The following PRKG1 variants were observed in gnomAD, a reference collection of about 807,000 sequenced individuals.
PRKG1 encodes protein kinase cGMP-dependent 1.
A neutral mutation model predicts 88.1 loss-of-function variants in PRKG1; 35 were observed. The observed-to-expected ratio is 0.40, with a 90% CI of 0.30 to 0.53. The LOEUF (loss-of-function observed/expected upper bound fraction) is 0.53. Ranked by LOEUF, PRKG1 falls within the 20% of genes least tolerant of loss-of-function variation. PRKG1 has a pLI of 0.59. For missense variants in PRKG1, 540 were observed against 839.8 expected (o/e 0.64, Z 4.41); for synonymous variants, 303 against 292.5 (o/e 1.04, Z -0.37).
intron 1 of PRKG1, among the ~76,000 whole-genome samples, chr10:51,096,250 C>A (rs1427410633): frequency 1.3e-5 from 2 of 152,032 alleles, no homozygotes; most frequent in Non-Finnish European, 2.9e-5. Flanking sequence ...GTGTAATGAG[C>A]TCTTGGTTCC....
intron 3 of PRKG1, among the ~76,000 whole-genome samples, chr10:51,528,889 G>A (rs1053703217): frequency 5.9e-5 from 9 of 152,016 alleles, no homozygotes; most frequent in African/African-American, 2.2e-4. Flanking sequence ...AATGTAAATG[G>A]AAATAAGGGA....
At chr10:51,874,786 G>T (rs80048059) in intron 4 of PRKG1, among the ~76,000 whole-genome samples, 3,848 of 152,224 alleles carry the variant, frequency 0.025, 168 homozygotes, top group African/African-American at 0.088. Context: ...CTTACCAGCT[G>T]TTTGGGAATA....
chr10:52,265,080 T>C (rs747309906), intron 10 of PRKG1, among the ~76,000 whole-genome samples: 6 of 152,264 alleles, frequency 3.9e-5, no homozygotes, highest in Non-Finnish European at 8.8e-5. Flanking sequence ...TGCAGATGTA[T>C]AGAATTCTCT....
intron 4 of PRKG1, among the ~76,000 whole-genome samples, chr10:51,899,812 A>G (rs1205234566): frequency 2.6e-5 from 4 of 151,476 alleles, no homozygotes; most frequent in Admixed American, 1.3e-4. Flanking sequence ...CCAGTGTTGG[A>G]GGTGGAACTG....
chr10:51,939,203 AT>A (rs1842855401), intron 5 of PRKG1, among the ~76,000 whole-genome samples: 1 of 151,958 alleles, frequency 6.6e-6, no homozygotes, highest in Non-Finnish European at 1.5e-5. Context: ...ATTATTTTGC[AT>A]TATTTCCTTT....
At chr10:51,558,680 TG>T (rs1366330893) in intron 3 of PRKG1, among the ~76,000 whole-genome samples, 7 of 152,136 alleles carry the variant, frequency 4.6e-5, no homozygotes, top group African/African-American at 1.7e-4. Context: ...CAACTATGTT[TG>T]GTTTAAGAAA....
chr10:51,058,269 A>T (rs1843654852), intron 1 of PRKG1, among the ~76,000 whole-genome samples: 2 of 152,108 alleles, frequency 1.3e-5, no homozygotes, highest in Admixed American at 1.3e-4. Flanking sequence ...AATATATATT[A>T]TAAATATCTT....
In PRKG1 at chr10:51,253,217, A is replaced by G. The variant is rs1407386178; in HGVS notation, c.478+99887A>G. ...ATATTGCTAATGAAGATAAAAAGGC[A>G]AATCAATCATTTCAGAAATAATTCA... On this transcript the variant is annotated intron_variant, in intron 2 of 17. Transcript: ENST00000373980. 2.0e-5 allele frequency among the ~76,000 whole-genome samples: 3 copies of G among 152,004 alleles called. No homozygotes were observed. In the East Asian group the frequency reaches 5.8e-4, roughly 29 times the overall value.
intron 8 of PRKG1, among the ~76,000 whole-genome samples, chr10:52,138,504 C>T (rs997218458): frequency 6.6e-6 from 1 of 151,996 alleles, no homozygotes; most frequent in African/African-American, 2.4e-5. Context: ...TCATTCTTTC[C>T]CTCAGAATCA....
At chr10:51,355,250 C>T (rs191423749) in intron 2 of PRKG1, among the ~76,000 whole-genome samples, 1 of 152,024 alleles carries the variant, frequency 6.6e-6, no homozygotes. Flanking sequence ...TTCAAGAATC[C>T]CTTAATCTTT....
chr10:52,026,765 A>T (rs116681967), intron 5 of PRKG1, among the ~76,000 whole-genome samples: 3 of 152,182 alleles, frequency 2.0e-5, no homozygotes, highest in African/African-American at 7.2e-5. Flanking sequence ...TCACCAACTC[A>T]GGAGATCAAG....
chr10:52,122,977 T>TTTTC (rs1223283857), intron 7 of PRKG1, among the ~76,000 whole-genome samples: 2 of 152,166 alleles, frequency 1.3e-5, no homozygotes, highest in African/African-American at 4.8e-5. Context: ...TGCAATTACT[T>TTTTC]TTTCTTCCCC....
At chr10:52,110,408 G>T (rs1847534661) in intron 7 of PRKG1, among the ~76,000 whole-genome samples, 1 of 82,938 alleles carries the variant, frequency 1.2e-5, no homozygotes, top group Middle Eastern at 7.1e-3. Flanking sequence ...ATCTCTTTTT[G>T]TACTCTATTG....
At chr10:52,085,430 A>G (rs1208493607) in intron 7 of PRKG1, among the ~76,000 whole-genome samples, 2 of 152,236 alleles carry the variant, frequency 1.3e-5, no homozygotes, top group Middle Eastern at 6.8e-3. Context: ...CTGGTGGATT[A>G]CTATTGTGTT....
chr10:52,273,106 G>T (rs2132435257), intron 12 of PRKG1, among the ~76,000 whole-genome samples: 1 of 151,922 alleles, frequency 6.6e-6, no homozygotes, highest in East Asian at 1.9e-4. Context: ...TGTCTACATG[G>T]TGCTTGTTTG....
chr10:51,549,102 CTTTCTTTCT>C, intron 3 of PRKG1, among the ~76,000 whole-genome samples: 1 of 122,488 alleles, frequency 8.2e-6, no homozygotes, highest in Non-Finnish European at 1.8e-5. Context: ...TCCTTCTTTC[CTTTCTTTCT>C]TTTCTTTTCT....
intron 1 of PRKG1, among the ~76,000 whole-genome samples, chr10:51,093,715 T>C (rs1844452728): frequency 6.9e-6 from 1 of 145,792 alleles, no homozygotes. Flanking sequence ...TATATATAAA[T>C]ACATGTGTGT....
At chr10:51,445,844 AC>A (rs1178868892) in intron 2 of PRKG1, among the ~76,000 whole-genome samples, 2 of 151,864 alleles carry the variant, frequency 1.3e-5, no homozygotes, top group Non-Finnish European at 2.9e-5. Context: ...CTCTTCTTCA[AC>A]ACTAAAACAC....
chr10:51,302,562 T>TTG (rs1840920039), intron 2 of PRKG1: 1 of 151,598 alleles, frequency 6.6e-6, no homozygotes, highest in African/African-American at 2.4e-5. Flanking sequence ...ATCACTTTTT[T>TTG]TTTTTTTTAA....
Sources: allele counts gnomAD v4.1 joint callset (sites outside exome capture counted in the v4.1 genomes callset), GRCh38; gene constraint gnomAD v4.1.1; transcripts MANE v1.5; gene names NCBI Gene and HGNC (gene_info 2026-07-23, HGNC 2026-07-21).